Variants in RALGPS1 observed in about 807,000 individuals in gnomAD.
RALGPS1 encodes the protein Ral GEF with PH domain and SH3 binding motif 1, also known as ras-specific guanine nucleotide-releasing factor RalGPS1.
RALGPS1 carries 19 observed loss-of-function variants against 78.8 expected under a neutral mutation model. That is an observed-to-expected ratio of 0.24 (90% CI 0.17 to 0.35). The LOEUF (loss-of-function observed/expected upper bound fraction) is 0.35. Among genes scored for constraint, RALGPS1 ranks in the 10% least tolerant of loss-of-function variants. RALGPS1 has a pLI of 1.00. For synonymous variants in RALGPS1, 228 were observed against 256.3 expected (o/e 0.89, Z 1.06); for missense variants, 454 against 688.3 (o/e 0.66, Z 3.81).
chr9:127,128,557 C>T (rs1449996202), intron 8 of RALGPS1, among the ~76,000 whole-genome samples: 1 of 152,208 alleles, frequency 6.6e-6, no homozygotes, highest in African/African-American at 2.4e-5. Context: ...GTCAGCTGGC[C>T]TTGGAAAGGT....
intron 8 of RALGPS1, among the ~76,000 whole-genome samples, chr9:127,095,116 G>C (rs2136550963): frequency 6.6e-6 from 1 of 152,324 alleles, no homozygotes; most frequent in African/African-American, 2.4e-5. Context: ...ATTCCTCATA[G>C]GGCCGGGCAC....
rs537167088 is a variant in RALGPS1 at position 127,123,809 on chromosome 9, G to A, written c.611-42260G>A. Among the ~76,000 whole-genome samples the A allele has an allele frequency of 4.6e-5, 7 of 152,236 alleles. No individual in the cohort carries two copies. The East Asian group carries it at 9.7e-4, about 21-fold the overall frequency. On this transcript the variant is annotated intron_variant, in intron 8 of 18. Transcript: ENST00000259351. ...AGTGCAGGAGGACAGGCCTGCTGCCGGGCACCCTGCGGGGATACAGAGAGT... is the reference window on the plus strand; with the variant it reads ...AGTGCAGGAGGACAGGCCTGCTGCCAGGCACCCTGCGGGGATACAGAGAGT...
intron 8 of RALGPS1, among the ~76,000 whole-genome samples, chr9:127,094,837 G>A (rs1390223950): frequency 6.6e-6 from 1 of 152,194 alleles, no homozygotes; most frequent in African/African-American, 2.4e-5. Flanking sequence ...ACTGAGCTTG[G>A]GCAGCCCAGT....
At chr9:127,045,770 C>T (rs866906079) in intron 5 of RALGPS1, among the ~76,000 whole-genome samples, 8 of 121,054 alleles carry the variant, frequency 6.6e-5, no homozygotes, top group African/African-American at 1.2e-4. Context: ...CATACACACA[C>T]ACACACACAC....
chr9:127,006,323 G>A (rs1268559178), intron 4 of RALGPS1, among the ~76,000 whole-genome samples: 1 of 152,182 alleles, frequency 6.6e-6, no homozygotes, highest in Non-Finnish European at 1.5e-5. Context: ...AGAAGCGAAT[G>A]CAGTGTTGAT....
At chr9:126,915,868 C>T (rs1191871369) in intron 1 of RALGPS1, among the ~76,000 whole-genome samples, 1 of 152,046 alleles carries the variant, frequency 6.6e-6, no homozygotes. Context: ...GGGGTCCTGG[C>T]TTGCTGGCCA....
chr9:127,174,933 G>C, intron 11 of RALGPS1, 151 bp downstream of exon 11: 1 of 670,836 alleles, frequency 1.5e-6, no homozygotes. Context: ...GCACCAGCCT[G>C]CCCAGGCTCC....
intron 1 of RALGPS1, among the ~76,000 whole-genome samples, chr9:126,946,833 A>G (rs181989170): frequency 1.2e-3 from 190 of 152,096 alleles, no homozygotes; most frequent in Admixed American, 1.9e-3. Flanking sequence ...GTTTCCTAAA[A>G]TTTGCCTCCT....
intron 8 of RALGPS1, among the ~76,000 whole-genome samples, chr9:127,151,882 G>T (rs1405928569): frequency 6.6e-6 from 1 of 152,114 alleles, no homozygotes; most frequent in Non-Finnish European, 1.5e-5. Context: ...TCAGGCCCCT[G>T]TGTCCCCTTA....
At chr9:127,073,450 GTGTGTGTGTGTGTGTC>G (rs965640773) in intron 8 of RALGPS1, among the ~76,000 whole-genome samples, 2 of 110,638 alleles carry the variant, frequency 1.8e-5, no homozygotes, top group Admixed American at 8.9e-5. Context: ...ACACCATTGT[GTGTGTGTGTGTGTGTC>G]TGTGTGTGTG....
At chr9:127,169,126 G>A (rs1417628753) in intron 10 of RALGPS1, among the ~76,000 whole-genome samples, 1 of 152,208 alleles carries the variant, frequency 6.6e-6, no homozygotes, top group Non-Finnish European at 1.5e-5. Flanking sequence ...GAATGGCACA[G>A]GCGTGGTGCT....
chr9:126,981,908 A>C (rs1004293611), intron 4 of RALGPS1, among the ~76,000 whole-genome samples: 11 of 152,096 alleles, frequency 7.2e-5, no homozygotes, highest in African/African-American at 2.7e-4. Flanking sequence ...TGTAGTCAAG[A>C]TGTTGGCTGG....
intron 1 of RALGPS1, among the ~76,000 whole-genome samples, chr9:126,955,875 T>C (rs1356140399): frequency 6.6e-6 from 1 of 152,202 alleles, no homozygotes; most frequent in East Asian, 1.9e-4. Flanking sequence ...ATGAACTTGA[T>C]GTTTAGGAAC....
At chr9:126,977,606 T>G (rs1175414552) in intron 3 of RALGPS1, 89 bp from the exon 4 acceptor site, 1 of 843,590 alleles carries the variant, frequency 1.2e-6, no homozygotes, top group East Asian at 2.9e-5. Context: ...AAGTATAACT[T>G]TTATGAGTGT....
intron 8 of RALGPS1, among the ~76,000 whole-genome samples, chr9:127,117,020 T>G (rs2055503462): frequency 6.6e-6 from 1 of 151,330 alleles, no homozygotes; most frequent in Non-Finnish European, 1.5e-5. Context: ...TCCAGGGCTG[T>G]CTGTCTGACA....
intron 8 of RALGPS1, among the ~76,000 whole-genome samples, chr9:127,124,286 G>A (rs2056434421): frequency 6.6e-6 from 1 of 152,208 alleles, no homozygotes; most frequent in Non-Finnish European, 1.5e-5. Context: ...ACTCTCTTTT[G>A]AAGCCCCGAG....
intron 7 of RALGPS1, among the ~76,000 whole-genome samples, chr9:127,062,006 T>C (rs2049254417): frequency 6.6e-6 from 1 of 152,176 alleles, no homozygotes; most frequent in Admixed American, 6.5e-5. Flanking sequence ...ATGAGAAAAT[T>C]ATCCTACAGG....
At chr9:126,946,605 CT>C (rs1038777925) in intron 1 of RALGPS1, among the ~76,000 whole-genome samples, 2 of 151,042 alleles carry the variant, frequency 1.3e-5, no homozygotes, top group Non-Finnish European at 2.9e-5. Context: ...GGTTGAGTTC[CT>C]GGCCTGGCTA....
intron 4 of RALGPS1, among the ~76,000 whole-genome samples, chr9:126,990,736 G>A (rs927304626): frequency 2.6e-5 from 4 of 152,172 alleles, no homozygotes; most frequent in Admixed American, 1.3e-4. Context: ...CCCTCGTACT[G>A]AAATATTACG....
Sources: allele counts gnomAD v4.1 joint callset (sites outside exome capture counted in the v4.1 genomes callset), GRCh38; gene constraint gnomAD v4.1.1; transcripts MANE v1.5; gene names NCBI Gene and HGNC (gene_info 2026-07-23, HGNC 2026-07-21).